Variants in TSPAN18 observed in about 807,000 individuals in gnomAD.
TSPAN18 encodes the protein tetraspanin-18.
Under a neutral mutation model 27.3 loss-of-function variants are expected in TSPAN18, and 14 were observed. That is an observed-to-expected ratio of 0.51 (90% CI 0.34 to 0.80). The LOEUF (loss-of-function observed/expected upper bound fraction) is 0.80. Ranked by LOEUF, TSPAN18 falls within the 30% of genes least tolerant of loss-of-function variation. The pLI is 0.01. For missense variants in TSPAN18, 268 were observed against 323.9 expected (o/e 0.83, Z 1.32); for synonymous variants, 143 against 136.5 (o/e 1.05, Z -0.33).
intron 2 of TSPAN18, among the ~76,000 whole-genome samples, chr11:44,846,411 G>A (rs1485825302): frequency 6.6e-6 from 1 of 152,238 alleles, no homozygotes; most frequent in Non-Finnish European, 1.5e-5. Flanking sequence ...GCAGTGATGG[G>A]GGAGGGCGCT....
At chr11:44,766,515 G>A (rs1489454029) in intron 2 of TSPAN18, among the ~76,000 whole-genome samples, 1 of 122,470 alleles carries the variant, frequency 8.2e-6, no homozygotes, top group African/African-American at 2.5e-5. Flanking sequence ...CCATCCCCAG[G>A]ACCTTTCTTC....
At chr11:44,920,706 GA>G (rs151071045) in intron 8 of TSPAN18, among the ~76,000 whole-genome samples, 2,991 of 152,264 alleles carry the variant, frequency 0.02, 122 homozygotes, top group East Asian at 0.14. Context: ...GGGAGAGGAC[GA>G]GGGTGATCTA....
chr11:44,923,615 C>T (rs1170013955), intron 8 of TSPAN18, among the ~76,000 whole-genome samples: 4 of 152,194 alleles, frequency 2.6e-5, no homozygotes, highest in Non-Finnish European at 5.9e-5. Flanking sequence ...TTGGAATCCT[C>T]AGTGTAAATC....
chr11:44,836,088 C>T (rs936788297), intron 2 of TSPAN18, among the ~76,000 whole-genome samples: 1 of 152,114 alleles, frequency 6.6e-6, no homozygotes, highest in African/African-American at 2.4e-5. Context: ...TCTAAGTGCT[C>T]AAGTGAAAGG....
intron 1 of TSPAN18, among the ~76,000 whole-genome samples, chr11:44,761,764 G>C (rs962561446): frequency 6.6e-6 from 1 of 152,200 alleles, no homozygotes; most frequent in Non-Finnish European, 1.5e-5. Context: ...ACACTAATAC[G>C]TGTTCCGTGC....
intron 2 of TSPAN18, among the ~76,000 whole-genome samples, chr11:44,790,397 T>G (rs1287679543): frequency 6.9e-6 from 1 of 145,912 alleles, no homozygotes; most frequent in African/African-American, 2.6e-5. Context: ...GCATGTGCTC[T>G]TGCTTGTACG....
chr11:44,877,004 C>T (rs1055009174), intron 3 of TSPAN18, among the ~76,000 whole-genome samples: 34 of 152,292 alleles, frequency 2.2e-4, no homozygotes, highest in African/African-American at 7.9e-4. Context: ...GAGCCTGCAG[C>T]GGACGCCAGG....
chr11:44,887,238 G>A (rs1376019162), intron 3 of TSPAN18, among the ~76,000 whole-genome samples: 2 of 152,238 alleles, frequency 1.3e-5, no homozygotes, highest in South Asian at 2.1e-4. Flanking sequence ...CCCCTCTCAG[G>A]GCCTCAATTT....
At chr11:44,787,678 G>A (rs963857947) in intron 2 of TSPAN18, among the ~76,000 whole-genome samples, 4 of 152,176 alleles carry the variant, frequency 2.6e-5, no homozygotes, top group East Asian at 1.9e-4. Flanking sequence ...GTTAAAACTC[G>A]CCAGGCCCAA....
chr11:44,764,121 C>T (rs921259002), intron 1 of TSPAN18, among the ~76,000 whole-genome samples: 4 of 152,148 alleles, frequency 2.6e-5, no homozygotes, highest in African/African-American at 9.7e-5. Flanking sequence ...ATCATGAGAA[C>T]AGCACTGAGG....
chr11:44,751,983 T>C (rs1288629945), intron 1 of TSPAN18, among the ~76,000 whole-genome samples: 1 of 151,860 alleles, frequency 6.6e-6, no homozygotes, highest in Non-Finnish European at 1.5e-5. Context: ...ATATTTTGCG[T>C]ATGTTTCTTC....
intron 2 of TSPAN18, among the ~76,000 whole-genome samples, chr11:44,799,375 C>T (rs554680798): frequency 6.6e-6 from 1 of 152,320 alleles, no homozygotes; most frequent in South Asian, 2.1e-4. Flanking sequence ...AAACGACACA[C>T]CCACGACACC....
intron 2 of TSPAN18, among the ~76,000 whole-genome samples, chr11:44,848,259 G>A (rs1565175614): frequency 6.6e-6 from 1 of 152,120 alleles, no homozygotes; most frequent in East Asian, 1.9e-4. Flanking sequence ...TTGGCTCTTC[G>A]AGGCGTTCAG....
intron 2 of TSPAN18, among the ~76,000 whole-genome samples, chr11:44,839,106 C>T (rs1375358975): frequency 6.6e-6 from 1 of 152,232 alleles, no homozygotes; most frequent in Non-Finnish European, 1.5e-5. Context: ...ACAAGGAATT[C>T]TGTCTCAAGC....
chr11:44,862,406 G>C (rs1216070395), intron 3 of TSPAN18, among the ~76,000 whole-genome samples: 6 of 152,202 alleles, frequency 3.9e-5, no homozygotes, highest in Non-Finnish European at 8.8e-5. Flanking sequence ...CCCTCCCCCA[G>C]TCTCTCTCGC....
At chr11:44,836,880 C>A (rs1857274606) in intron 2 of TSPAN18, among the ~76,000 whole-genome samples, 2 of 152,256 alleles carry the variant, frequency 1.3e-5, no homozygotes, top group South Asian at 4.2e-4. Context: ...TATTTTAAGC[C>A]CATTATTGAG....
chr11:44,813,371 G>C (rs1401567645), intron 2 of TSPAN18, among the ~76,000 whole-genome samples: 1 of 152,248 alleles, frequency 6.6e-6, no homozygotes, highest in Non-Finnish European at 1.5e-5. Context: ...TTGGTTTCCA[G>C]AGGGGGAAAG....
intron 2 of TSPAN18, among the ~76,000 whole-genome samples, chr11:44,850,154 G>A (rs1232094426): frequency 6.6e-6 from 1 of 152,172 alleles, no homozygotes; most frequent in Non-Finnish European, 1.5e-5. Context: ...TGCTCCCCAG[G>A]GCCCGCCAAG....
rs533296693 is a variant in TSPAN18 at position 44,844,951 on chromosome 11, G to A, written c.-152-15377G>A. On this transcript the variant is annotated intron_variant, in intron 2 of 9. Coordinates refer to ENST00000520358, the MANE Select transcript of TSPAN18 (RefSeq NM_130783.5). ...CATCACCATTGCAGATTCAAAGGAG[G>A]CTCCAAAGGGGTATCAAAAGGATTG... Among the ~76,000 whole-genome samples the A allele has an allele frequency of 5.9e-5, 9 of 152,288 alleles. No individual in the cohort carries two copies. The East Asian group carries it at 1.7e-3, about 29-fold the overall frequency.
Sources: allele counts gnomAD v4.1 joint callset (sites outside exome capture counted in the v4.1 genomes callset), GRCh38; gene constraint gnomAD v4.1.1; transcripts MANE v1.5; gene names NCBI Gene and HGNC (gene_info 2026-07-23, HGNC 2026-07-21).